The following PRKG1 variants were observed in gnomAD, a reference collection of about 807,000 sequenced individuals.
PRKG1 encodes protein kinase cGMP-dependent 1, also known as cGMP-dependent protein kinase 1.
In PRKG1, 35 loss-of-function variants were observed where a neutral mutation model predicts 88.1. The observed-to-expected ratio is 0.40, with a 90% CI of 0.30 to 0.53. The LOEUF (loss-of-function observed/expected upper bound fraction) is 0.53. Among genes scored for constraint, PRKG1 ranks in the 20% least tolerant of loss-of-function variants. The pLI is 0.59. For synonymous variants in PRKG1, 303 were observed against 292.5 expected, an observed-to-expected ratio of 1.04 and a Z score of -0.37; for missense variants, 540 against 839.8, an observed-to-expected ratio of 0.64 and a Z score of 4.41.
intron 2 of PRKG1, among the ~76,000 whole-genome samples, chr10:51,379,165 A>G (rs183582585): frequency 1.9e-4 from 29 of 152,330 alleles, no homozygotes; most frequent in African/African-American, 6.7e-4. Flanking sequence ...TGTGTCAATT[A>G]TTATTGATAC....
chr10:52,045,932 C>T (rs553415396), intron 5 of PRKG1, among the ~76,000 whole-genome samples: 17 of 152,114 alleles, frequency 1.1e-4, no homozygotes, highest in East Asian at 3.9e-4. Context: ...TTCCTTCCCA[C>T]AGTAGAGTGA....
At chr10:51,964,929 G>A (rs951107809) in intron 5 of PRKG1, among the ~76,000 whole-genome samples, 2 of 152,096 alleles carry the variant, frequency 1.3e-5, no homozygotes, top group East Asian at 1.9e-4. Flanking sequence ...AGTTGGAAAC[G>A]TTTAATCAAA....
intron 4 of PRKG1, among the ~76,000 whole-genome samples, chr10:51,826,067 G>A (rs1024604411): frequency 1.3e-5 from 2 of 152,046 alleles, no homozygotes; most frequent in East Asian, 3.9e-4. Context: ...TAGGGTAAGG[G>A]GCCATCATGA....
chr10:51,512,880 T>C (rs1247336787), intron 3 of PRKG1, among the ~76,000 whole-genome samples: 67 of 96,150 alleles, frequency 7.0e-4, no homozygotes, highest in African/African-American at 2.6e-3. Context: ...TTTTAATGAT[T>C]GCCATTCTAA....
At chr10:51,102,916 A>T (rs1322955171) in intron 1 of PRKG1, among the ~76,000 whole-genome samples, 1 of 152,158 alleles carries the variant, frequency 6.6e-6, no homozygotes, top group Non-Finnish European at 1.5e-5. Context: ...TTTTTAAAGC[A>T]ATCATCTACC....
intron 5 of PRKG1, among the ~76,000 whole-genome samples, chr10:51,963,777 A>T (rs1026010469): frequency 1.3e-5 from 2 of 152,108 alleles, no homozygotes; most frequent in Non-Finnish European, 2.9e-5. Context: ...TTGTGCACAT[A>T]AGAAAAATTA....
At chr10:51,269,040 C>A (rs1483723804) in intron 2 of PRKG1, among the ~76,000 whole-genome samples, 1 of 151,962 alleles carries the variant, frequency 6.6e-6, no homozygotes, top group Admixed American at 6.6e-5. Flanking sequence ...AAAAACAATC[C>A]TATCAAAAAG....
chr10:52,147,084 T>G (rs1293096155), intron 8 of PRKG1, among the ~76,000 whole-genome samples: 1 of 152,178 alleles, frequency 6.6e-6, no homozygotes, highest in Non-Finnish European at 1.5e-5. Flanking sequence ...TGCTTCTTTG[T>G]TCTGGAAAAG....
chr10:52,024,561 T>C (rs192666224), intron 5 of PRKG1, among the ~76,000 whole-genome samples: 364 of 152,194 alleles, frequency 2.4e-3, no homozygotes, highest in African/African-American at 6.8e-3. Context: ...TTGCCACCTA[T>C]GAGTGAGAAC....
At chr10:51,112,992 G>A (rs959033261) in intron 1 of PRKG1, among the ~76,000 whole-genome samples, 12 of 152,188 alleles carry the variant, frequency 7.9e-5, no homozygotes, top group African/African-American at 2.7e-4. Flanking sequence ...CAACTAGGCA[G>A]AAGGAGACTT....
chr10:52,166,301 C>T (rs1229385254), intron 9 of PRKG1, among the ~76,000 whole-genome samples: 1 of 115,510 alleles, frequency 8.7e-6, no homozygotes, highest in African/African-American at 2.5e-5. Context: ...TAGAAAACAC[C>T]ATTTCCAATA....
intron 1 of PRKG1, among the ~76,000 whole-genome samples, chr10:51,133,080 GTACCC>G (rs1845610687): frequency 6.6e-6 from 1 of 152,090 alleles, no homozygotes. Context: ...ATGGTGAGAA[GTACCC>G]TCAGTGATGG....
At chr10:51,923,545 C>CT (rs573696476) in intron 5 of PRKG1, among the ~76,000 whole-genome samples, 26,055 of 144,396 alleles carry the variant, frequency 0.18, 2,843 homozygotes, top group East Asian at 0.5. Context: ...ACTTCTATTT[C>CT]TTTTTTTTTT....
At chr10:52,281,326 G>A (rs1224291026) in intron 13 of PRKG1, among the ~76,000 whole-genome samples, 1 of 152,096 alleles carries the variant, frequency 6.6e-6, no homozygotes, top group African/African-American at 2.4e-5. Flanking sequence ...GGAAAAAAAT[G>A]TGCTTTACAG....
At chr10:52,034,176 C>T (rs911974521) in intron 5 of PRKG1, among the ~76,000 whole-genome samples, 4 of 152,056 alleles carry the variant, frequency 2.6e-5, no homozygotes, top group African/African-American at 7.3e-5. Flanking sequence ...ACAGGGGATG[C>T]CATGGCTTGG....
At chr10:51,978,281 C>T (rs903004880) in intron 5 of PRKG1, among the ~76,000 whole-genome samples, 1 of 151,704 alleles carries the variant, frequency 6.6e-6, no homozygotes, top group African/African-American at 2.4e-5. Flanking sequence ...GGTGTGTGAC[C>T]TTATTACTCG....
chr10:51,199,176 A>C (rs961716993), intron 2 of PRKG1, among the ~76,000 whole-genome samples: 3 of 152,202 alleles, frequency 2.0e-5, no homozygotes, highest in African/African-American at 7.2e-5. Context: ...TATCAGTCTG[A>C]AAAAGTTGGG....
chr10:51,795,517 A>G (rs1262631256), intron 3 of PRKG1, among the ~76,000 whole-genome samples: 2 of 152,106 alleles, frequency 1.3e-5, no homozygotes, highest in Admixed American at 1.3e-4. Context: ...ATTATGAAGC[A>G]TTTGTCTCAG....
At chr10:51,705,865 T>C (rs1589219594) in intron 3 of PRKG1, among the ~76,000 whole-genome samples, 1 of 152,218 alleles carries the variant, frequency 6.6e-6, no homozygotes, top group Non-Finnish European at 1.5e-5. Flanking sequence ...TAAGGATACA[T>C]AGCTACTAAG....
Sources: allele counts gnomAD v4.1 joint callset (sites outside exome capture counted in the v4.1 genomes callset), GRCh38; gene constraint gnomAD v4.1.1; transcripts MANE v1.5; gene names NCBI Gene and HGNC (gene_info 2026-07-23, HGNC 2026-07-21).